Variants in MTSS1 observed in about 807,000 individuals in gnomAD.
The protein encoded by MTSS1 is MTSS I-BAR domain containing 1, also known as protein MTSS 1.
A neutral mutation model predicts 79.0 loss-of-function variants in MTSS1; 18 were observed. That is an observed-to-expected ratio of 0.23 (90% confidence interval 0.16 to 0.34). The LOEUF is 0.34. Ranked by LOEUF, MTSS1 falls within the 10% of genes least tolerant of loss-of-function variation. MTSS1 has a pLI of 1.00. For synonymous variants in MTSS1, 341 were observed against 368.6 expected (o/e 0.93, Z 0.86); for missense variants, 815 against 986.2 (o/e 0.83, Z 2.33).
intron 3 of MTSS1, among the ~76,000 whole-genome samples, chr8:124,661,923 C>T (rs1822121228): frequency 6.6e-6 from 1 of 152,186 alleles, no homozygotes; most frequent in South Asian, 2.1e-4. Flanking sequence ...ATCTTCACGT[C>T]CTTTGTGTCT....
At chr8:124,708,881 GA>G (rs902490054) in intron 1 of MTSS1, among the ~76,000 whole-genome samples, 3 of 134,976 alleles carry the variant, frequency 2.2e-5, no homozygotes, top group African/African-American at 5.5e-5. Context: ...TCTAAAAAAA[GA>G]AAAAAAATCA....
At chr8:124,692,244 G>A (rs1252633875) in intron 3 of MTSS1, among the ~76,000 whole-genome samples, 1 of 151,884 alleles carries the variant, frequency 6.6e-6, no homozygotes, top group African/African-American at 2.4e-5. Context: ...TGACCAGGCT[G>A]GTCTCTAACT....
Position 124,696,295 on chromosome 8 carries a change from T to G in MTSS1, c.208+3231A>C, listed in dbSNP as rs537565178. Among the ~76,000 whole-genome samples, 13 of 152,288 alleles carry G rather than the reference T, an allele frequency of 8.5e-5. No homozygotes were observed. The South Asian group carries it at 2.7e-3, about 32-fold the overall frequency. ...AGCCACTGCGCCCAGCCTACTTATTTCAATTTTTTAAACTAAAGAGCATGT... is the reference window on the plus strand; with the variant it reads ...AGCCACTGCGCCCAGCCTACTTATTGCAATTTTTTAAACTAAAGAGCATGT... On this transcript the variant is annotated intron_variant, in intron 3 of 13. Coordinates refer to ENST00000518547, the MANE Select transcript of MTSS1 (RefSeq NM_014751.6).
chr8:124,593,060 T>C (rs967378552), intron 3 of MTSS1, among the ~76,000 whole-genome samples: 6 of 152,240 alleles, frequency 3.9e-5, no homozygotes, highest in Non-Finnish European at 8.8e-5. Context: ...GAGCAGGGGA[T>C]GCCACGGCCA....
chr8:124,704,012 C>T, intron 2 of MTSS1, 118 bp downstream of exon 2: 1 of 858,102 alleles, frequency 1.2e-6, no homozygotes, highest in Non-Finnish European at 1.9e-6. Flanking sequence ...CCAGCACAGG[C>T]TTCCCTATCT....
chr8:124,654,166 G>A lies in MTSS1; in HGVS notation c.208+45360C>T, dbSNP rs77296041. Among the ~76,000 whole-genome samples, 1,158 of 152,248 alleles carry A rather than the reference G, an allele frequency of 7.6e-3. 9 individuals are homozygous for A. Among genetic ancestry groups the A allele is most frequent in the African/African-American group, 0.027 (1,123 of 41,536 alleles). ...GGGAGGAGCAAGTTCCTCAAGCCTC[G>A]ACTCCAAAGAAAGGAGGGACAGGCC... On this transcript the variant is annotated intron_variant, in intron 3 of 13. Transcript: ENST00000518547.
At chr8:124,725,539 C>T (rs376883651) in intron 1 of MTSS1, among the ~76,000 whole-genome samples, 1 of 152,092 alleles carries the variant, frequency 6.6e-6, no homozygotes, top group East Asian at 1.9e-4. Flanking sequence ...AATGGGTTTC[C>T]GACATTTACG....
chr8:124,649,642 G>A (rs1018931660), intron 3 of MTSS1, among the ~76,000 whole-genome samples: 1 of 152,046 alleles, frequency 6.6e-6, no homozygotes, highest in Admixed American at 6.6e-5. Context: ...TGTTACTCAA[G>A]AAAGAACACA....
intron 3 of MTSS1, among the ~76,000 whole-genome samples, chr8:124,645,214 A>G (rs1269119321): frequency 6.6e-6 from 1 of 152,100 alleles, no homozygotes; most frequent in African/African-American, 2.4e-5. Context: ...ACAAAAAACA[A>G]AAACAAAAAC....
intron 7 of MTSS1, among the ~76,000 whole-genome samples, chr8:124,567,400 G>A (rs1826734739): frequency 6.6e-6 from 1 of 152,236 alleles, no homozygotes; most frequent in Non-Finnish European, 1.5e-5. Flanking sequence ...CTGTGCACAG[G>A]GGACAGTGGG....
chr8:124,574,214 G>A (rs1433596438), intron 6 of MTSS1, among the ~76,000 whole-genome samples: 2 of 152,086 alleles, frequency 1.3e-5, no homozygotes, highest in African/African-American at 4.8e-5. Context: ...CAAACTGCTG[G>A]GATCACAGTG....
chr8:124,593,382 CTTTGACCCAGCAATTCTCATTTCAGAAA>C (rs1169355577), intron 3 of MTSS1, among the ~76,000 whole-genome samples: 2 of 152,202 alleles, frequency 1.3e-5, no homozygotes, highest in African/African-American at 4.8e-5. Flanking sequence ...AAATATTTTT[CTTTGACCCAGCAATTCTCATTTCAGAAA>C]TTTAACCTGC....
At chr8:124,661,374 C>T (rs2134384146) in intron 3 of MTSS1, among the ~76,000 whole-genome samples, 1 of 151,950 alleles carries the variant, frequency 6.6e-6, no homozygotes, top group East Asian at 1.9e-4. Context: ...TTCATGCCTG[C>T]ACAACCTGAT....
chr8:124,676,061 A>G (rs1005233959), intron 3 of MTSS1, among the ~76,000 whole-genome samples: 1 of 152,222 alleles, frequency 6.6e-6, no homozygotes. Flanking sequence ...TTCCTCATTA[A>G]GCCATCACTT....
At chr8:124,577,728 T>C (rs1162032621) in intron 6 of MTSS1, 3 of 464,434 alleles carry the variant, frequency 6.5e-6, no homozygotes, top group Non-Finnish European at 1.3e-5. Context: ...CTCGAAGAAC[T>C]GGCTGGAACC....
chr8:124,644,011 C>T (rs1467834260), intron 3 of MTSS1, among the ~76,000 whole-genome samples: 6 of 151,978 alleles, frequency 3.9e-5, no homozygotes, highest in Non-Finnish European at 4.4e-5. Flanking sequence ...TAAAGAGAAG[C>T]CAACTGGAAG....
At chr8:124,563,344 G>A (rs139091013) in intron 9 of MTSS1, 4 of 298,902 alleles carry the variant, frequency 1.3e-5, no homozygotes, top group Non-Finnish European at 2.6e-5. Flanking sequence ...CAAAACGAGG[G>A]GAGCTGATGT....
At chr8:124,664,586 TA>T (rs998388369) in intron 3 of MTSS1, among the ~76,000 whole-genome samples, 1 of 152,206 alleles carries the variant, frequency 6.6e-6, no homozygotes, top group Non-Finnish European at 1.5e-5. Context: ...ATATTATACC[TA>T]AAAGCATACA....
In MTSS1 at chr8:124,553,208, C is replaced by A; in HGVS notation, c.2052G>T (p.Glu684Asp). 6.2e-7 allele frequency: 1 copy of A among 1,614,130 alleles called. No homozygotes were observed. The highest frequency in any genetic ancestry group is 1.1e-5 in the South Asian group (1 of 91,090). Residue 684 changes from glutamate (E) to aspartate (D), a missense_variant, in exon 14 of 14, where the codon GAG (glutamate) becomes GAT (aspartate). Transcript: ENST00000518547. This position sits in a 1 kb window ranked among gnomAD's most constrained non-coding sequence, Gnocchi z 6.0. The part of the protein sequence containing the change: ...PLPGPKPSIP[E>D]EHRQAIPESE... Reference sequence around the variant, plus strand: ...TTTCTGGAATTGCCTGTCTGTGCTCCTCAGGGATACTGGGCTTCGGGCCTG... The same window carrying A: ...TTTCTGGAATTGCCTGTCTGTGCTCATCAGGGATACTGGGCTTCGGGCCTG...
Sources: gnomAD v4.1 joint callset for allele counts (sites outside exome capture counted in the v4.1 genomes callset) on GRCh38, gnomAD v4.1.1 for gene constraint, Gnocchi (gnomAD v3.1) non-coding constraint, MANE v1.5 for transcripts, NCBI Gene and HGNC (gene_info 2026-07-23, HGNC 2026-07-21) for gene names.